Variants in CTNND2 observed in about 807,000 individuals in gnomAD.
CTNND2 encodes the protein catenin delta 2, also known as catenin delta-2.
In CTNND2, 22 loss-of-function variants were observed where a neutral mutation model predicts 144.4. The ratio of observed to expected loss-of-function variants is 0.15; its 90% CI spans 0.11 to 0.22. The LOEUF (loss-of-function observed/expected upper bound fraction) is 0.22, where lower values mean the gene tolerates loss of function less well. Ranked by LOEUF, CTNND2 falls within the 10% of genes least tolerant of loss-of-function variation. The pLI, the probability that CTNND2 is intolerant of heterozygous loss-of-function variation, is 1.00. For missense variants in CTNND2, 1,353 were observed against 1,618.8 expected (o/e 0.84, Z 2.82); for synonymous variants, 751 against 695.6 (o/e 1.08, Z -1.25).
chr5:11,478,668 G>A lies in CTNND2; in HGVS notation c.288-66599C>T, dbSNP rs547517768. ...TCCCCTTGGCAGCCTGAACTTATCA[G>A]TGACCTATAATAATTATGCATTTTA... On this transcript the variant is annotated intron_variant, in intron 3 of 21. Transcript: ENST00000304623. Among the ~76,000 whole-genome samples, 10 of 152,264 alleles carry A rather than the reference G, an allele frequency of 6.6e-5. No homozygotes were observed. In the South Asian group the frequency reaches 1.9e-3, roughly 28 times the overall value.
At chr5:11,353,717 C>T (rs921319447) in intron 8 of CTNND2, among the ~76,000 whole-genome samples, 3 of 151,518 alleles carry the variant, frequency 2.0e-5, no homozygotes, top group African/African-American at 7.3e-5. Flanking sequence ...GTAGGAGAAC[C>T]GTTTGAACCC....
At chr5:11,716,418 T>A (rs1246428525) in intron 2 of CTNND2, among the ~76,000 whole-genome samples, 2 of 152,208 alleles carry the variant, frequency 1.3e-5, no homozygotes, top group Non-Finnish European at 2.9e-5. Context: ...CAGATAGCAT[T>A]ACCATGAATA....
chr5:11,755,671 T>C (rs1385701787), intron 1 of CTNND2, among the ~76,000 whole-genome samples: 1 of 151,130 alleles, frequency 6.6e-6, no homozygotes, highest in East Asian at 1.9e-4. Flanking sequence ...CATTTTATTT[T>C]GCAGAACTGG....
At chr5:11,725,429 G>T (rs761369192) in intron 2 of CTNND2, among the ~76,000 whole-genome samples, 1 of 152,186 alleles carries the variant, frequency 6.6e-6, no homozygotes, top group Non-Finnish European at 1.5e-5. Context: ...TCAAATTAAT[G>T]TATAAATTTC....
At chr5:11,817,602 C>T (rs978158856) in intron 1 of CTNND2, among the ~76,000 whole-genome samples, 13 of 151,936 alleles carry the variant, frequency 8.6e-5, no homozygotes, top group African/African-American at 3.1e-4. Flanking sequence ...TGCGGGGCAG[C>T]TGTGGTGGAA....
At chr5:11,097,440 T>C (rs1751463410) in intron 15 of CTNND2, among the ~76,000 whole-genome samples, 1 of 152,136 alleles carries the variant, frequency 6.6e-6, no homozygotes, top group Admixed American at 6.5e-5. Context: ...CCTAAGACTC[T>C]TAGGAGAAGA....
At chr5:11,141,160 C>T (rs1442633619) in intron 12 of CTNND2, among the ~76,000 whole-genome samples, 2 of 152,114 alleles carry the variant, frequency 1.3e-5, no homozygotes, top group Non-Finnish European at 2.9e-5. Flanking sequence ...CCCTATGTTG[C>T]CTGGGCTGGT....
At chr5:11,700,517 T>C (rs1411214953) in intron 2 of CTNND2, among the ~76,000 whole-genome samples, 2 of 152,188 alleles carry the variant, frequency 1.3e-5, no homozygotes, top group Admixed American at 6.5e-5. Context: ...CTTGGTTGTA[T>C]TCAGCGTGCT....
intron 11 of CTNND2, among the ~76,000 whole-genome samples, chr5:11,173,843 T>C (rs1363098049): frequency 1.3e-5 from 2 of 152,228 alleles, no homozygotes; most frequent in African/African-American, 2.4e-5. Context: ...CCATTACCTC[T>C]ACCTACTTCC....
At chr5:11,615,109 G>GT (rs1194951363) in intron 2 of CTNND2, among the ~76,000 whole-genome samples, 1 of 152,154 alleles carries the variant, frequency 6.6e-6, no homozygotes, top group African/African-American at 2.4e-5. Flanking sequence ...TATATTTGCT[G>GT]TATTTAACAT....
At chr5:11,805,539 T>TGAAA (rs1257398405) in intron 1 of CTNND2, among the ~76,000 whole-genome samples, 3 of 151,720 alleles carry the variant, frequency 2.0e-5, no homozygotes, top group African/African-American at 7.3e-5. Context: ...AAATGAACAA[T>TGAAA]GAATGAATGA....
intron 2 of CTNND2, among the ~76,000 whole-genome samples, chr5:11,582,659 A>G (rs2150131571): frequency 6.6e-6 from 1 of 152,330 alleles, no homozygotes; most frequent in East Asian, 1.9e-4. Context: ...CAAAAAATAA[A>G]GGTTTACATA....
At chr5:11,024,531 C>A (rs528707234) in intron 16 of CTNND2, among the ~76,000 whole-genome samples, 1 of 152,244 alleles carries the variant, frequency 6.6e-6, no homozygotes, top group East Asian at 1.9e-4. Context: ...TTGAGCTCCA[C>A]AGACATGAAA....
intron 6 of CTNND2, among the ~76,000 whole-genome samples, chr5:11,395,711 C>T (rs1760044356): frequency 6.6e-6 from 1 of 152,186 alleles, no homozygotes. Flanking sequence ...CTTACAAAGC[C>T]ACTGATGAAC....
intron 2 of CTNND2, among the ~76,000 whole-genome samples, chr5:11,584,302 T>A (rs1778658985): frequency 1.3e-5 from 2 of 151,900 alleles, no homozygotes; most frequent in Non-Finnish European, 2.9e-5. Context: ...AAAACAGTAG[T>A]GGAGGCGGAA....
chr5:11,455,060 T>A (rs1485476897), intron 3 of CTNND2, among the ~76,000 whole-genome samples: 3 of 151,696 alleles, frequency 2.0e-5, no homozygotes, highest in Non-Finnish European at 4.4e-5. Context: ...CTTGTTCAAG[T>A]TCTAAGGCTG....
At chr5:11,335,388 G>A (rs892247600) in intron 9 of CTNND2, among the ~76,000 whole-genome samples, 1 of 152,118 alleles carries the variant, frequency 6.6e-6, no homozygotes, top group East Asian at 1.9e-4. Context: ...TATTTTGAAT[G>A]CTCCATTTTT....
chr5:11,065,637 C>T (rs1039992470), intron 16 of CTNND2, among the ~76,000 whole-genome samples: 1 of 152,152 alleles, frequency 6.6e-6, no homozygotes, highest in African/African-American at 2.4e-5. Context: ...TTTAACATGC[C>T]CAAATTCCTA....
At chr5:11,281,335 A>C (rs912195546) in intron 9 of CTNND2, among the ~76,000 whole-genome samples, 1 of 152,182 alleles carries the variant, frequency 6.6e-6, no homozygotes, top group African/African-American at 2.4e-5. Flanking sequence ...AATTTTTCTA[A>C]AATGTTCCTT....
Sources: allele counts gnomAD v4.1 joint callset (sites outside exome capture counted in the v4.1 genomes callset), GRCh38; gene constraint gnomAD v4.1.1; transcripts MANE v1.5; gene names NCBI Gene and HGNC (gene_info 2026-07-23, HGNC 2026-07-21).